The following DNAJC1 variants were observed in gnomAD, a reference collection of about 807,000 sequenced individuals.
DNAJC1 encodes dnaJ homolog subfamily C member 1.
A neutral mutation model predicts 76.6 loss-of-function variants in DNAJC1; 58 were observed. The observed-to-expected ratio is 0.76, with a 90% CI of 0.61 to 0.94. The LOEUF (loss-of-function observed/expected upper bound fraction) is 0.94. Among genes scored for constraint, DNAJC1 ranks in the 40% least tolerant of loss-of-function variants. The probability of loss-of-function intolerance (pLI) is 0.00; values close to 1 mark genes in which losing one functional copy is unlikely to be tolerated. For missense variants in DNAJC1, 689 were observed against 677.3 expected (o/e 1.02, Z -0.19); for synonymous variants, 258 against 267.9 (o/e 0.96, Z 0.36).
chr10:21,789,272 A>C (rs1589981072), intron 9 of DNAJC1, among the ~76,000 whole-genome samples: 1 of 152,282 alleles, frequency 6.6e-6, no homozygotes, highest in East Asian at 1.9e-4. Context: ...CTAATGTTGA[A>C]TATAGATGAA....
intron 9 of DNAJC1, 131 bp from the exon 10 acceptor site, chr10:21,766,440 G>A (rs938585536): frequency 7.2e-6 from 5 of 693,094 alleles, no homozygotes; most frequent in East Asian, 5.1e-5. Context: ...ACCCTCAGTC[G>A]TCTGTCGCAT....
chr10:21,913,873 C>A (rs1836909937), intron 6 of DNAJC1, among the ~76,000 whole-genome samples: 2 of 152,174 alleles, frequency 1.3e-5, no homozygotes, highest in African/African-American at 4.8e-5. Context: ...TTGTTATATA[C>A]TAACTCATAC....
chr10:21,971,265 G>A (rs946524073), intron 1 of DNAJC1, among the ~76,000 whole-genome samples: 26 of 151,728 alleles, frequency 1.7e-4, no homozygotes, highest in South Asian at 4.2e-4. Flanking sequence ...CATTAGATTT[G>A]GCTGATCAAC....
chr10:21,781,975 T>C (rs546346741), intron 9 of DNAJC1, among the ~76,000 whole-genome samples: 49 of 150,974 alleles, frequency 3.2e-4, no homozygotes, highest in Middle Eastern at 6.8e-3. Flanking sequence ...ACCCTACCAC[T>C]GCAAAACACT....
chr10:21,761,971 G>C (rs1029294661), intron 10 of DNAJC1, among the ~76,000 whole-genome samples: 1 of 152,122 alleles, frequency 6.6e-6, no homozygotes, highest in African/African-American at 2.4e-5. Context: ...GAAGGGGCGC[G>C]ATTTTGCCTC....
chr10:21,928,615 G>T, intron 2 of DNAJC1, 63 bp from the exon 3 acceptor site: 1 of 1,335,370 alleles, frequency 7.5e-7, no homozygotes, highest in Non-Finnish European at 1.1e-6. Context: ...ACATAGGAGG[G>T]TGAAGGCACT....
intron 9 of DNAJC1, among the ~76,000 whole-genome samples, chr10:21,790,937 A>C (rs1412708256): frequency 1.3e-5 from 2 of 152,154 alleles, no homozygotes; most frequent in Non-Finnish European, 2.9e-5. Flanking sequence ...GGCAAAATAA[A>C]ATTTTTAAAA....
intron 7 of DNAJC1, among the ~76,000 whole-genome samples, chr10:21,893,426 A>C (rs1268276564): frequency 6.6e-6 from 1 of 152,104 alleles, no homozygotes; most frequent in African/African-American, 2.4e-5. Flanking sequence ...CAGGAGTTCA[A>C]GACCAGCCTG....
intron 3 of DNAJC1, among the ~76,000 whole-genome samples, chr10:21,927,332 G>C (rs182432092): frequency 9.9e-4 from 150 of 152,270 alleles, no homozygotes; most frequent in African/African-American, 3.2e-3. Context: ...AACATTTTAG[G>C]ATACAGACTA....
intron 8 of DNAJC1, among the ~76,000 whole-genome samples, chr10:21,832,882 T>C (rs1369751441): frequency 6.6e-6 from 1 of 152,232 alleles, no homozygotes; most frequent in Non-Finnish European, 1.5e-5. Flanking sequence ...ATATTTTCTC[T>C]TTATCATTTC....
intron 9 of DNAJC1, among the ~76,000 whole-genome samples, chr10:21,779,288 G>A (rs1834496084): frequency 6.6e-6 from 1 of 152,196 alleles, no homozygotes; most frequent in Admixed American, 6.5e-5. Flanking sequence ...AAAACAGACA[G>A]ACTGCCTCCT....
chr10:21,884,515 T>G (rs1444860666), intron 7 of DNAJC1, among the ~76,000 whole-genome samples: 1 of 152,126 alleles, frequency 6.6e-6, no homozygotes, highest in African/African-American at 2.4e-5. Context: ...CCATTAAAAT[T>G]AACATATACA....
intron 8 of DNAJC1, among the ~76,000 whole-genome samples, chr10:21,870,009 A>G (rs1836075927): frequency 6.6e-6 from 1 of 152,104 alleles, no homozygotes. Flanking sequence ...TAAGAAAAGA[A>G]AATCACAGGT....
At chr10:21,834,955 A>T (rs1318558046) in intron 8 of DNAJC1, among the ~76,000 whole-genome samples, 2 of 152,178 alleles carry the variant, frequency 1.3e-5, no homozygotes, top group Non-Finnish European at 2.9e-5. Flanking sequence ...TAAATGTCCC[A>T]CTCTGACACC....
chr10:21,882,300 G>A lies in DNAJC1; in HGVS notation c.960C>T (p.Asn320=). The stretch of plus-strand genomic sequence containing the variant: ...TATTTACCTGTTTTTTCTGTGTTCG[G>A]TTCCTGTTTTCCAACCAATCATCCA... ...EQMDDWLENR[N]RTQKKQAPEW... Residue 320 remains asparagine, a synonymous_variant, in exon 8 of 12, where the codon AAC becomes AAT. Coordinates refer to ENST00000376980, the MANE Select transcript of DNAJC1 (RefSeq NM_022365.4). The A allele has an allele frequency of 1.3e-6, 2 of 1,594,716 alleles. No individual in the cohort carries two copies.
At chr10:21,876,643 C>A (rs1011590867) in intron 8 of DNAJC1, among the ~76,000 whole-genome samples, 9 of 152,108 alleles carry the variant, frequency 5.9e-5, no homozygotes, top group African/African-American at 2.2e-4. Flanking sequence ...GTACTAGATA[C>A]CTATCATGAA....
intron 8 of DNAJC1, among the ~76,000 whole-genome samples, chr10:21,832,592 A>G (rs1433264072): frequency 6.6e-6 from 1 of 152,112 alleles, no homozygotes; most frequent in East Asian, 1.9e-4. Context: ...TTATTGCATT[A>G]TCCAATCAAC....
At chr10:21,945,924 T>C (rs1402890418) in intron 1 of DNAJC1, among the ~76,000 whole-genome samples, 1 of 57,050 alleles carries the variant, frequency 1.8e-5, no homozygotes, top group Non-Finnish European at 3.1e-5. Flanking sequence ...TCCAAACTAG[T>C]GTTTCTTCAT....
At position 22,003,374 on chromosome 10, in the gene DNAJC1, GCACCAGCCCGAGCTGGCGGCGT is replaced by G. The variant is rs1838559505; in HGVS notation, c.39_60del (p.Arg15SerfsTer37). 1 of 1,393,622 alleles carries G rather than the reference GCACCAGCCCGAGCTGGCGGCGT, an allele frequency of 7.2e-7. No individual in the cohort carries two copies. The allele number at this position is 1,393,622 out of a possible 1,614,324, so 86.3% of individuals were successfully genotyped here. A position where few individuals can be genotyped will look rare whatever the true frequency, so the allele number is the denominator to read the frequency against. On this transcript the variant is annotated frameshift_variant, in exon 1 of 12. Coordinates refer to ENST00000376980, the MANE Select transcript of DNAJC1 (RefSeq NM_022365.4). LOFTEE classifies it high-confidence loss of function. ...GTCCGCGGCGGCGGCGGCGGGAACG[GCACCAGCCCGAGCTGGCGGCGT>G]CCAGGAAGCTGCGCCGGCTGGGAGC... is the stretch of plus-strand genomic sequence containing the variant.
Sources: gnomAD v4.1 joint callset for allele counts (sites outside exome capture counted in the v4.1 genomes callset) on GRCh38, gnomAD v4.1.1 for gene constraint, MANE v1.5 for transcripts, NCBI Gene and HGNC (gene_info 2026-07-23, HGNC 2026-07-21) for gene names.